Variants in NF2 observed in about 807,000 individuals in gnomAD.
The protein encoded by NF2 is NF2, moesin-ezrin-radixin like (MERLIN) tumor suppressor.
Under a neutral mutation model 83.7 loss-of-function variants are expected in NF2, and 8 were observed. That is an observed-to-expected ratio of 0.10 (90% CI 0.06 to 0.17). NF2 has a LOEUF of 0.17. NF2 is among the 10% of genes least tolerant of loss of function. The probability of loss-of-function intolerance (pLI) is 1.00; values close to 1 mark genes in which losing one functional copy is unlikely to be tolerated. For missense variants in NF2, 533 were observed against 744.4 expected (o/e 0.72, Z 3.31); for synonymous variants, 266 against 269.6 (o/e 0.99, Z 0.13).
intron 15 of NF2, among the ~76,000 whole-genome samples, chr22:29,692,747 C>T (rs1386931566): frequency 1.3e-5 from 2 of 152,238 alleles, no homozygotes; most frequent in African/African-American, 2.4e-5. Context: ...GCCAGGGCTC[C>T]TCCCTCCCCA....
At chr22:29,680,976 C>T (rs2067115145) in intron 14 of NF2, among the ~76,000 whole-genome samples, 1 of 151,628 alleles carries the variant, frequency 6.6e-6, no homozygotes, top group Non-Finnish European at 1.5e-5. Context: ...GAAAAGCTGT[C>T]CATGAGAGCT....
At chr22:29,615,133 C>G (rs573824657) in intron 1 of NF2, among the ~76,000 whole-genome samples, 1 of 152,064 alleles carries the variant, frequency 6.6e-6, no homozygotes, top group African/African-American at 2.4e-5. Flanking sequence ...GCAGTGAGCT[C>G]AGATTGTGCT....
chr22:29,649,792 GAA>G (rs2066092872), intron 4 of NF2, among the ~76,000 whole-genome samples: 2 of 147,492 alleles, frequency 1.4e-5, no homozygotes, highest in African/African-American at 5.0e-5. Flanking sequence ...AAAAAAAAAA[GAA>G]AAAATGAGTA....
intron 1 of NF2, among the ~76,000 whole-genome samples, chr22:29,631,137 A>G (rs1474198818): frequency 6.6e-5 from 10 of 152,176 alleles, no homozygotes; most frequent in Non-Finnish European, 1.5e-4. Context: ...TCAGTACTGC[A>G]TTGAACATTC....
chr22:29,659,925 T>C (rs1270838806), intron 7 of NF2, among the ~76,000 whole-genome samples: 1 of 152,176 alleles, frequency 6.6e-6, no homozygotes, highest in Non-Finnish European at 1.5e-5. Flanking sequence ...CTTCAGGATG[T>C]TAGGAGTAAA....
At chr22:29,622,646 A>AT (rs35744962) in intron 1 of NF2, among the ~76,000 whole-genome samples, 24,080 of 63,368 alleles carry the variant, frequency 0.38, 8,494 homozygotes, top group East Asian at 0.81. Context: ...AAGACCCTGT[A>AT]TTTTTTTTTT....
At chr22:29,680,984 G>A (rs143475473) in intron 14 of NF2, among the ~76,000 whole-genome samples, 55 of 151,816 alleles carry the variant, frequency 3.6e-4, no homozygotes, top group Non-Finnish European at 6.0e-4. Context: ...GTCCATGAGA[G>A]CTGGTATTTG....
At chr22:29,674,983 T>C (rs2066917884) in intron 13 of NF2, 42 bp downstream of exon 13, 1 of 1,503,912 alleles carries the variant, frequency 6.6e-7, no homozygotes, top group Non-Finnish European at 9.1e-7. Context: ...TTAGTCCTGG[T>C]GATGTTCTCT....
Position 29,695,468 on chromosome 22 carries a change from T to G in NF2, c.*666T>G, listed in dbSNP as rs1429736374. 1 of 249,938 alleles carries G rather than the reference T, an allele frequency of 4.0e-6. No homozygotes were observed. Among genetic ancestry groups the G allele is most frequent in the East Asian group, 5.6e-5 (1 of 17,942 alleles). 15.5% of individuals were successfully genotyped at this position (249,938 alleles called of 1,614,324 possible). The stretch of plus-strand genomic sequence containing the variant: ...GGCAGAAGCTGTGATGCAGGCTGAC[T>G]GCCAGCCGAGGGGCTGGGTAGTGCC... On this transcript the variant is annotated 3_prime_UTR_variant, in exon 16 of 16. Transcript: ENST00000338641. This position sits in a 1 kb window ranked among gnomAD's most constrained non-coding sequence, Gnocchi z 5.4.
intron 15 of NF2, among the ~76,000 whole-genome samples, chr22:29,690,783 C>T (rs376091595): frequency 6.6e-6 from 1 of 152,290 alleles, no homozygotes; most frequent in South Asian, 2.1e-4. Context: ...ATGCCTGGTG[C>T]GGAGGCTTCA....
At chr22:29,631,534 C>T (rs114946675) in intron 1 of NF2, among the ~76,000 whole-genome samples, 2,408 of 152,206 alleles carry the variant, frequency 0.016, 73 homozygotes, top group African/African-American at 0.056. Context: ...ATGACCAGGA[C>T]GTAGTGGATG....
At chr22:29,643,872 C>T (rs1462858615) in intron 4 of NF2, among the ~76,000 whole-genome samples, 2 of 151,406 alleles carry the variant, frequency 1.3e-5, no homozygotes, top group African/African-American at 2.4e-5. Context: ...GGCGGCCGGG[C>T]AGAGGCGCCC....
intron 1 of NF2, among the ~76,000 whole-genome samples, chr22:29,628,568 C>T (rs1433174873): frequency 1.3e-5 from 2 of 149,482 alleles, no homozygotes; most frequent in African/African-American, 4.9e-5. Flanking sequence ...CAGAAACTGA[C>T]AGGGCAAGAG....
At position 29,696,100 on chromosome 22, in the gene NF2, G is replaced by C. The variant is rs1191420967; in HGVS notation, c.*1298G>C. On this transcript the variant is annotated 3_prime_UTR_variant, in exon 16 of 16. Coordinates refer to ENST00000338641, the MANE Select transcript of NF2 (RefSeq NM_000268.4). ...TTTTTTTTTTTTTTTCCGAGATGGA[G>C]TCTCTCTCTGTCACCCAGGTGGGAG... 1.9e-5 allele frequency: 4 copies of C among 207,046 alleles called. No individual in the cohort carries two copies. The highest frequency in any genetic ancestry group is 2.1e-4 in the South Asian group (1 of 4,818). The allele number at this position is 207,046 out of a possible 1,614,324, so 12.8% of individuals were successfully genotyped here.
chr22:29,610,961 A>G (rs1255085781), intron 1 of NF2, among the ~76,000 whole-genome samples: 2 of 152,208 alleles, frequency 1.3e-5, no homozygotes, highest in Non-Finnish European at 2.9e-5. Context: ...ATATAAAAAT[A>G]ATTATATACC....
chr22:29,660,244 C>T (rs1181672175), intron 7 of NF2, among the ~76,000 whole-genome samples: 1 of 152,228 alleles, frequency 6.6e-6, no homozygotes, highest in Non-Finnish European at 1.5e-5. Flanking sequence ...GCTCTGACTG[C>T]TGGCCAGGAC....
At chr22:29,607,044 C>T (rs2064816001) in intron 1 of NF2, among the ~76,000 whole-genome samples, 2 of 152,124 alleles carry the variant, frequency 1.3e-5, no homozygotes, top group African/African-American at 4.8e-5. Flanking sequence ...TCTGTCCTGT[C>T]ACAAAACAAA....
intron 15 of NF2, chr22:29,683,618 C>G: frequency 9.2e-7 from 1 of 1,092,168 alleles, no homozygotes; most frequent in Non-Finnish European, 1.1e-6. Flanking sequence ...TCAAATAAAG[C>G]AAACCCAGAG....
At chr22:29,615,784 A>G (rs1375643511) in intron 1 of NF2, among the ~76,000 whole-genome samples, 1 of 152,220 alleles carries the variant, frequency 6.6e-6, no homozygotes, top group East Asian at 1.9e-4. Flanking sequence ...ACAGTTAAAC[A>G]CAGAGTTACC....
Sources: gnomAD v4.1 joint callset for allele counts (sites outside exome capture counted in the v4.1 genomes callset) on GRCh38, gnomAD v4.1.1 for gene constraint, Gnocchi (gnomAD v3.1) non-coding constraint, MANE v1.5 for transcripts, NCBI Gene and HGNC (gene_info 2026-07-23, HGNC 2026-07-21) for gene names.